Variants in ADPRHL1 observed in about 807,000 individuals in gnomAD.
ADPRHL1 encodes ADP-ribosylhydrolase like 1.
A neutral mutation model predicts 44.1 loss-of-function variants in ADPRHL1; 43 were observed. That is an observed-to-expected ratio of 0.98 (90% confidence interval 0.76 to 1.26). The LOEUF (loss-of-function observed/expected upper bound fraction) is 1.26, where lower values mean the gene tolerates loss of function less well. ADPRHL1 is among the 50% of genes most tolerant of loss of function. The probability of loss-of-function intolerance (pLI) is 0.00; values close to 1 mark genes in which losing one functional copy is unlikely to be tolerated. For missense variants in ADPRHL1, 2,022 were observed against 2,496.9 expected, an observed-to-expected ratio of 0.81 and a Z score of 4.05; for synonymous variants, 878 against 1,017.4, an observed-to-expected ratio of 0.86 and a Z score of 2.61.
intron 7 of ADPRHL1, among the ~76,000 whole-genome samples, chr13:113,415,963 G>A (rs1595540658): frequency 6.6e-6 from 1 of 151,984 alleles, no homozygotes; most frequent in Non-Finnish European, 1.5e-5. Flanking sequence ...CTAACCCCAA[G>A]GGATGAGTAT....
intron 1 of ADPRHL1, among the ~76,000 whole-genome samples, chr13:113,449,697 G>A (rs1302001032): frequency 1.3e-5 from 2 of 152,254 alleles, no homozygotes; most frequent in East Asian, 1.9e-4. Flanking sequence ...CCCGTGGCTC[G>A]TGGGGTGAAG....
At position 113,406,330 on chromosome 13, in the gene ADPRHL1, A is replaced by C; in HGVS notation, c.2952T>G (p.Asp984Glu). 1 of 1,232,076 alleles carries C rather than the reference A, an allele frequency of 8.1e-7. No homozygotes were observed. Among genetic ancestry groups the C allele is most frequent in the Non-Finnish European group, 1.0e-6 (1 of 987,970 alleles). The allele number at this position is 1,232,076 out of a possible 1,614,324, so 76.3% of individuals were successfully genotyped here. The change falls in exon 8 of 8, where the codon GAT becomes GAG. Residue 984 changes from aspartate (D) to glutamate (E), a missense_variant. Transcript: ENST00000612156. ...TAGATTCCGGCAACGGATGCTTCAC[A>C]TCTCTGAGCTCAGAGGTCCTCTCTC... Reference protein sequence around the residue: ...ISGERTSELRDVKHPLPESNE... With the variant: ...ISGERTSELREVKHPLPESNE...
intron 2 of ADPRHL1, among the ~76,000 whole-genome samples, chr13:113,442,550 G>A (rs192809332): frequency 1.2e-4 from 19 of 152,318 alleles, no homozygotes; most frequent in African/African-American, 4.3e-4. Flanking sequence ...ACATCGCTCT[G>A]ACAAGGCATC....
At chr13:113,421,686 A>G (rs976004597) in intron 7 of ADPRHL1, among the ~76,000 whole-genome samples, 5 of 152,210 alleles carry the variant, frequency 3.3e-5, no homozygotes, top group Admixed American at 2.6e-4. Flanking sequence ...CCACTCACAC[A>G]GGAATCCTAA....
chr13:113,445,826 T>C (rs2044132170), intron 1 of ADPRHL1, among the ~76,000 whole-genome samples: 1 of 151,002 alleles, frequency 6.6e-6, no homozygotes, highest in Admixed American at 6.6e-5. Flanking sequence ...ATGAAACCTC[T>C]GTAGCTGCAA....
At chr13:113,450,852 G>A (rs542127543) in intron 1 of ADPRHL1, among the ~76,000 whole-genome samples, 2 of 152,198 alleles carry the variant, frequency 1.3e-5, no homozygotes, top group Admixed American at 1.3e-4. Flanking sequence ...ACAGGGAGAC[G>A]GTTAGGCCTC....
chr13:113,444,571 T>A lies in ADPRHL1; in HGVS notation c.233A>T (p.Asp78Val), dbSNP rs141618303. Residue 78 changes from aspartate to valine, a missense_variant, in exon 2 of 8, where the codon GAT becomes GTT. Transcript: ENST00000612156. The stretch of plus-strand genomic sequence containing the variant: ...GCATCTCACCATCTCCCGGTACAGA[T>A]CATCCAGGCACCAGTAGTCTGCGGA... ...ALTTDYWCLD[D>V]LYREMVRCYV... 339 of 1,614,046 alleles carry A rather than the reference T, an allele frequency of 2.1e-4. No individual in the cohort carries two copies. The African/African-American group carries it at 4.2e-3, about 20-fold the overall frequency.
Position 113,428,457 on chromosome 13 carries a change from C to T in ADPRHL1, c.646+495G>A, listed in dbSNP as rs112914046. Among the ~76,000 whole-genome samples, 272 of 152,362 alleles carry T rather than the reference C, an allele frequency of 1.8e-3. 5 individuals carry two copies. The highest frequency in any genetic ancestry group is 6.2e-3 in the African/African-American group (257 of 41,592). The stretch of plus-strand genomic sequence containing the variant: ...CCCTCCCCTCTTAGACGGCACCTTC[C>T]GTGGGGTGGAAGAATCTTCCGGAAC... On this transcript the variant is annotated intron_variant, in intron 4 of 7. Coordinates refer to ENST00000612156, the MANE Select transcript of ADPRHL1 (RefSeq NM_001394807.1).
At position 113,407,625 on chromosome 13, in the gene ADPRHL1, C is replaced by G; in HGVS notation, c.1657G>C (p.Glu553Gln). The G allele has an allele frequency of 8.1e-7, 1 of 1,232,122 alleles. No homozygotes were observed. The allele number at this position is 1,232,122 out of a possible 1,614,324, so 76.3% of individuals were successfully genotyped here. A position where few individuals can be genotyped will look rare whatever the true frequency, so the allele number is the denominator to read the frequency against. ...GKSSVLSKLR[E>Q]KFEQNSCLCS... ...AGGCAGCTGTTCTGCTCGAACTTCT[C>G]CCGCAGCTTGGACAGCACCGAGCTC... Residue 553 changes from glutamate (E) to glutamine (Q), a missense_variant, in exon 8 of 8, where the codon GAG becomes CAG. Around this residue, in one of 8 missense-constraint regions of ADPRHL1, gnomAD observed 1,221 missense variants for 1,517.8 expected, o/e 0.80. Coordinates refer to ENST00000612156, the MANE Select transcript of ADPRHL1 (RefSeq NM_001394807.1).
At chr13:113,417,132 T>G (rs1204018260) in intron 7 of ADPRHL1, among the ~76,000 whole-genome samples, 1 of 152,204 alleles carries the variant, frequency 6.6e-6, no homozygotes, top group East Asian at 1.9e-4. Context: ...GGCGATGCTT[T>G]GCGGAACCCC....
chr13:113,405,613 C>T lies in ADPRHL1; in HGVS notation c.3669G>A (p.Glu1223=). The part of the protein sequence containing the change: ...EDAAALARHP[E]AARLYISNTS... ...TGTTTGAAATGTATAATCGGGCCGCCTCTGGGTGCCGGGCGAGGGCCGCAG... is the reference window on the plus strand; with the variant it reads ...TGTTTGAAATGTATAATCGGGCCGCTTCTGGGTGCCGGGCGAGGGCCGCAG... Residue 1223 remains glutamate, a synonymous_variant, in exon 8 of 8, where the codon GAG becomes GAA. Coordinates refer to ENST00000612156, the MANE Select transcript of ADPRHL1 (RefSeq NM_001394807.1). The T allele has an allele frequency of 8.1e-7, 1 of 1,232,766 alleles. No homozygotes were observed. The highest frequency in any genetic ancestry group is 1.0e-6 in the Non-Finnish European group (1 of 988,790). The allele number at this position is 1,232,766 out of a possible 1,614,324, so 76.4% of individuals were successfully genotyped here.
chr13:113,418,040 G>C (rs544019722), intron 7 of ADPRHL1, among the ~76,000 whole-genome samples: 2 of 152,322 alleles, frequency 1.3e-5, no homozygotes, highest in South Asian at 2.1e-4. Context: ...CAATCGCCAG[G>C]GTTTGCTGAG....
In ADPRHL1 at chr13:113,405,610, C is replaced by A; in HGVS notation, c.3672G>T (p.Ala1224=). Residue 1224 remains alanine (A), a synonymous_variant, in exon 8 of 8, where the codon GCG becomes GCT. Transcript: ENST00000612156. Reference sequence around the variant, plus strand: ...ATGTGTTTGAAATGTATAATCGGGCCGCCTCTGGGTGCCGGGCGAGGGCCG... The same window carrying A: ...ATGTGTTTGAAATGTATAATCGGGCAGCCTCTGGGTGCCGGGCGAGGGCCG... ...DAAALARHPE[A]ARLYISNTSA... 1 of 1,232,710 alleles carries A rather than the reference C, an allele frequency of 8.1e-7. No homozygotes were observed. The highest frequency in any genetic ancestry group is 1.0e-6 in the Non-Finnish European group (1 of 988,730). 76.4% of individuals were successfully genotyped at this position (1,232,710 alleles called of 1,614,324 possible). A position where few individuals can be genotyped will look rare whatever the true frequency, so the allele number is the denominator to read the frequency against.
At chr13:113,431,976 C>A (rs1467164096) in intron 3 of ADPRHL1, among the ~76,000 whole-genome samples, 2 of 152,178 alleles carry the variant, frequency 1.3e-5, no homozygotes, top group Non-Finnish European at 2.9e-5. Flanking sequence ...CTTGGCACCC[C>A]CAAAGTGCTG....
At position 113,402,470 on chromosome 13, in the gene ADPRHL1, C is replaced by T. The variant is rs1289423701; in HGVS notation, c.*908G>A. The T allele has an allele frequency of 1.3e-5, 2 of 152,256 alleles. No homozygotes were observed. The highest frequency in any genetic ancestry group is 6.5e-5 in the Admixed American group (1 of 15,278). 9.4% of individuals were successfully genotyped at this position (152,256 alleles called of 1,614,324 possible). ...CTCAGTACCTGAACAGGGCCGGAGTCGTGGGCCGTCTCGGGCCAGGGCAGG... is the reference window on the plus strand; with the variant it reads ...CTCAGTACCTGAACAGGGCCGGAGTTGTGGGCCGTCTCGGGCCAGGGCAGG... On this transcript the variant is annotated 3_prime_UTR_variant, in exon 8 of 8. Transcript: ENST00000612156.
intron 3 of ADPRHL1, among the ~76,000 whole-genome samples, chr13:113,431,525 C>T (rs1013835448): frequency 1.3e-5 from 2 of 152,228 alleles, no homozygotes; most frequent in African/African-American, 4.8e-5. Context: ...GTGGCTGCAG[C>T]TCTGGACTCA....
At chr13:113,412,381 T>C (rs1345482295) in intron 7 of ADPRHL1, among the ~76,000 whole-genome samples, 1 of 152,196 alleles carries the variant, frequency 6.6e-6, no homozygotes, top group Non-Finnish European at 1.5e-5. Flanking sequence ...GGTTTCACCA[T>C]GTTAGCCAGG....
chr13:113,411,990 G>A (rs955778600), intron 7 of ADPRHL1, among the ~76,000 whole-genome samples: 4 of 152,262 alleles, frequency 2.6e-5, no homozygotes, highest in East Asian at 1.9e-4. Flanking sequence ...CCCGCCCCTC[G>A]TGGTAGCCCC....
chr13:113,431,489 T>A (rs9549790), intron 3 of ADPRHL1, among the ~76,000 whole-genome samples: 2 of 152,120 alleles, frequency 1.3e-5, no homozygotes, highest in Admixed American at 6.5e-5. Flanking sequence ...GTCCTGACCC[T>A]GCCTACGGCT....
Sources: allele counts gnomAD v4.1 joint callset (sites outside exome capture counted in the v4.1 genomes callset), GRCh38; gene constraint gnomAD v4.1.1; regional missense constraint gnomAD v4.1.1; transcripts MANE v1.5; gene names NCBI Gene and HGNC (gene_info 2026-07-23, HGNC 2026-07-21).